GULP1: variants seen among roughly 807,000 people sequenced by gnomAD.
The protein encoded by GULP1 is PTB domain-containing engulfment adapter protein 1.
GULP1 carries 19 observed loss-of-function variants against 40.9 expected under a neutral mutation model. The observed-to-expected ratio is 0.46, with a 90% confidence interval of 0.32 to 0.68. The LOEUF (loss-of-function observed/expected upper bound fraction) is 0.68. Among genes scored for constraint, GULP1 ranks in the 30% least tolerant of loss-of-function variants. The probability of loss-of-function intolerance (pLI) is 0.03; values close to 1 mark genes in which losing one functional copy is unlikely to be tolerated. For synonymous variants in GULP1, 119 were observed against 117.6 expected (o/e 1.01, Z -0.08); for missense variants, 312 against 362.2 (o/e 0.86, Z 1.12).
At chr2:188,430,785 C>G (rs1397872113) in intron 2 of GULP1, among the ~76,000 whole-genome samples, 1 of 152,126 alleles carries the variant, frequency 6.6e-6, no homozygotes, top group East Asian at 1.9e-4. Context: ...CTAATTTTTC[C>G]TTCACCTTTC....
In GULP1 at chr2:188,552,950, G is replaced by A. The variant is rs186963189; in HGVS notation, c.399+11632G>A. Reference sequence around the variant, plus strand: ...ATATATGCATGTGTATACTTATTGCGCTATTGTAAATGAGATTGCCTTCTT... The same window carrying A: ...ATATATGCATGTGTATACTTATTGCACTATTGTAAATGAGATTGCCTTCTT... On this transcript the variant is annotated intron_variant, in intron 7 of 11. Coordinates refer to ENST00000409830, the MANE Select transcript of GULP1 (RefSeq NM_016315.4). Among the ~76,000 whole-genome samples, 476 of 150,508 alleles carry A rather than the reference G, an allele frequency of 3.2e-3. 1 individual carries two copies. Among genetic ancestry groups the A allele is most frequent in the African/African-American group, 0.01 (427 of 41,022 alleles).
At chr2:188,356,949 T>G (rs770770308) in intron 1 of GULP1, among the ~76,000 whole-genome samples, 3 of 152,022 alleles carry the variant, frequency 2.0e-5, no homozygotes, top group Non-Finnish European at 4.4e-5. Flanking sequence ...CCAAGAACAT[T>G]TATTGTAGAA....
chr2:188,366,055 T>C (rs1019136648), intron 1 of GULP1, among the ~76,000 whole-genome samples: 4 of 152,092 alleles, frequency 2.6e-5, no homozygotes, highest in Non-Finnish European at 5.9e-5. Context: ...TCTGCTCAAC[T>C]GAGGGGCATC....
chr2:188,351,814 T>C (rs2044483744), intron 1 of GULP1, among the ~76,000 whole-genome samples: 1 of 152,192 alleles, frequency 6.6e-6, no homozygotes, highest in Admixed American at 6.5e-5. Flanking sequence ...AGAATTCCTG[T>C]ACATACTTCT....
chr2:188,533,868 CA>C (rs1249197449), intron 6 of GULP1, among the ~76,000 whole-genome samples: 1 of 151,910 alleles, frequency 6.6e-6, no homozygotes, highest in Non-Finnish European at 1.5e-5. Flanking sequence ...AAGTGGCTAT[CA>C]AACATGAAAA....
chr2:188,319,424 G>A (rs1326302091), intron 1 of GULP1, among the ~76,000 whole-genome samples: 1 of 152,116 alleles, frequency 6.6e-6, no homozygotes. Context: ...TACATTGAAA[G>A]ATGGAATCAT....
chr2:188,526,730 T>C (rs1686250707), intron 5 of GULP1, among the ~76,000 whole-genome samples: 1 of 152,174 alleles, frequency 6.6e-6, no homozygotes, highest in Admixed American at 6.5e-5. Context: ...AACCTTGATA[T>C]GCATGAAGGT....
At chr2:188,394,923 T>C (rs1282009107) in intron 2 of GULP1, among the ~76,000 whole-genome samples, 1 of 152,228 alleles carries the variant, frequency 6.6e-6, no homozygotes, top group Non-Finnish European at 1.5e-5. Context: ...CAAAGGCCTC[T>C]TGAAGCTTAT....
chr2:188,295,113 A>G (rs1297817121), intron 1 of GULP1, among the ~76,000 whole-genome samples: 6 of 152,212 alleles, frequency 3.9e-5, no homozygotes, highest in Admixed American at 6.5e-5. Flanking sequence ...TATACACAAG[A>G]CCAGTTATTT....
At chr2:188,319,661 C>G (rs1342329924) in intron 1 of GULP1, among the ~76,000 whole-genome samples, 2 of 151,996 alleles carry the variant, frequency 1.3e-5, no homozygotes, top group African/African-American at 2.4e-5. Flanking sequence ...AAATAGCAAC[C>G]CTTTTTCTTT....
rs150911911 is a variant in GULP1 at position 188,453,499 on chromosome 2, CT to C, written c.-44-24159del. ...GATTGGTGGGTGTGACTCAGCACCC[CT>C]ATCAAGATTTTGGAAACTAAGCCAG... On this transcript the variant is annotated intron_variant, in intron 2 of 11. Transcript: ENST00000409830. Among the ~76,000 whole-genome samples, 531 of 152,208 alleles carry C rather than the reference CT, an allele frequency of 3.5e-3. 5 individuals carry two copies. The highest frequency in any genetic ancestry group is 0.011 in the African/African-American group (469 of 41,524).
At chr2:188,583,453 A>G (rs938266915) in intron 9 of GULP1, among the ~76,000 whole-genome samples, 3 of 152,192 alleles carry the variant, frequency 2.0e-5, no homozygotes, top group African/African-American at 7.2e-5. Flanking sequence ...ATCCCTGATC[A>G]AATCAGATGG....
At chr2:188,356,318 T>G (rs1378413397) in intron 1 of GULP1, among the ~76,000 whole-genome samples, 1 of 152,068 alleles carries the variant, frequency 6.6e-6, no homozygotes. Context: ...ATTCTTAGAA[T>G]TGATCAACAA....
chr2:188,556,818 G>A (rs530151813), intron 7 of GULP1, among the ~76,000 whole-genome samples: 37 of 152,100 alleles, frequency 2.4e-4, no homozygotes, highest in Middle Eastern at 3.4e-3. Context: ...GGTGGATCAC[G>A]AGGTCAGGAG....
At chr2:188,306,219 A>ATTT (rs1255618570) in intron 1 of GULP1, among the ~76,000 whole-genome samples, 1 of 152,142 alleles carries the variant, frequency 6.6e-6, no homozygotes, top group Non-Finnish European at 1.5e-5. Context: ...ATTTGATAAC[A>ATTT]TTTTTCTTCA....
At chr2:188,337,566 G>T (rs557433076) in intron 1 of GULP1, among the ~76,000 whole-genome samples, 3 of 151,698 alleles carry the variant, frequency 2.0e-5, no homozygotes, top group South Asian at 2.1e-4. Context: ...AATAAATCCG[G>T]TGATGATAGT....
chr2:188,315,691 CT>C (rs2038961756), intron 1 of GULP1, among the ~76,000 whole-genome samples: 1 of 152,032 alleles, frequency 6.6e-6, no homozygotes, highest in African/African-American at 2.4e-5. Flanking sequence ...GTATGTAACC[CT>C]GTATATACCT....
chr2:188,373,173 C>A (rs764681127), intron 1 of GULP1, among the ~76,000 whole-genome samples: 1 of 151,716 alleles, frequency 6.6e-6, no homozygotes, highest in Non-Finnish European at 1.5e-5. Flanking sequence ...TAAGCTCTAA[C>A]AGAGGAAACA....
chr2:188,506,911 A>C (rs1178112785), intron 4 of GULP1, among the ~76,000 whole-genome samples: 2 of 152,002 alleles, frequency 1.3e-5, no homozygotes, highest in African/African-American at 4.8e-5. Context: ...GGAAGAACCA[A>C]CCACAACCTG....
Sources: gnomAD v4.1 joint callset for allele counts (sites outside exome capture counted in the v4.1 genomes callset) on GRCh38, gnomAD v4.1.1 for gene constraint, MANE v1.5 for transcripts, NCBI Gene and HGNC (gene_info 2026-07-23, HGNC 2026-07-21) for gene names.